PTER: variants seen among roughly 807,000 people sequenced by gnomAD.
PTER encodes the protein phosphotriesterase related.
Under a neutral mutation model 29.6 loss-of-function variants are expected in PTER, and 38 were observed. The ratio of observed to expected loss-of-function variants is 1.28; its 90% confidence interval spans 0.99 to 1.68. The LOEUF is 1.68. Among genes scored for constraint, PTER ranks in the 40% most tolerant of loss-of-function variants. The pLI, the probability that PTER is intolerant of heterozygous loss-of-function variation, is 0.00. For missense variants in PTER, 482 were observed against 427.8 expected, an observed-to-expected ratio of 1.13 and a Z score of -1.12; for synonymous variants, 172 against 154.5, an observed-to-expected ratio of 1.11 and a Z score of -0.84.
intron 1 of PTER, among the ~76,000 whole-genome samples, chr10:16,448,694 G>A (rs1191608876): frequency 1.3e-5 from 2 of 152,194 alleles, no homozygotes; most frequent in South Asian, 2.1e-4. Context: ...TGTCATCAAT[G>A]TAATGGACCA....
In PTER at chr10:16,491,009, A is replaced by AT. The variant is rs924593671; in HGVS notation, c.698+4400dup. ...TTTATGTATATACACACACATATGT[A>AT]TTTTTTTTCTGTTAAACAATAAAGA... is the stretch of plus-strand genomic sequence containing the variant. On this transcript the variant is annotated intron_variant, in intron 3 of 4. Coordinates refer to ENST00000535784, the MANE Select transcript of PTER (RefSeq NM_001261836.2). Among the ~76,000 whole-genome samples, 64 of 151,850 alleles carry AT rather than the reference A, an allele frequency of 4.2e-4. 1 individual carries two copies. Among genetic ancestry groups the AT allele is most frequent in the African/African-American group, 1.5e-3 (61 of 41,412 alleles).
At chr10:16,515,771 C>T (rs538493839), downstream of PTER, among the ~76,000 whole-genome samples, 3 of 152,256 alleles carry the variant, frequency 2.0e-5, no homozygotes, top group Admixed American at 2.0e-4. Flanking sequence ...TGATTTATTT[C>T]AGTAAAACAT....
rs1273204304 is a variant in PTER, at chr10:16,484,393, C to G, written c.9C>G (p.Ser3=). ...TGGTGGTACCATCAGAAATGTCTTC[C>G]TTAAGTGGAAAAGTCCAAACCGTTT... MS[S]LSGKVQTVLG... The change falls in exon 2 of 5, where the codon TCC becomes TCG. Residue 3 remains serine (S), a synonymous_variant. Coordinates refer to ENST00000535784, the MANE Select transcript of PTER (RefSeq NM_001261836.2). The G allele has an allele frequency of 4.4e-6, 7 of 1,582,462 alleles. No individual in the cohort carries two copies. Among genetic ancestry groups the G allele is most frequent in the Non-Finnish European group, 6.0e-6 (7 of 1,169,694 alleles).
chr10:16,448,266 G>T (rs774374994), intron 1 of PTER, among the ~76,000 whole-genome samples: 3 of 152,204 alleles, frequency 2.0e-5, no homozygotes, highest in Non-Finnish European at 4.4e-5. Flanking sequence ...GGCACCATTG[G>T]ATCTGCTGGG....
chr10:16,479,671 G>A (rs896947462), intron 1 of PTER, among the ~76,000 whole-genome samples: 3 of 152,030 alleles, frequency 2.0e-5, no homozygotes, highest in Non-Finnish European at 4.4e-5. Context: ...TACTTTTATA[G>A]TACCAGCAAG....
chr10:16,506,613 G>A (rs1024812577), intron 4 of PTER, among the ~76,000 whole-genome samples: 3 of 152,106 alleles, frequency 2.0e-5, no homozygotes, highest in African/African-American at 4.8e-5. Flanking sequence ...ATAGAAAGTC[G>A]GTTGAAAGGA....
At chr10:16,486,283 A>C in intron 2 of PTER, 69 bp from the exon 3 acceptor site, 2 of 1,379,126 alleles carry the variant, frequency 1.5e-6, no homozygotes, top group Non-Finnish European at 2.0e-6. Flanking sequence ...ATTCATTCAC[A>C]TACTGTGGTG....
At chr10:16,472,543 G>A (rs1478752283) in intron 1 of PTER, among the ~76,000 whole-genome samples, 3 of 152,028 alleles carry the variant, frequency 2.0e-5, no homozygotes, top group East Asian at 1.9e-4. Flanking sequence ...TTTGCCGTCC[G>A]CCATGATTGA....
chr10:16,477,923 G>A (rs924259317), intron 1 of PTER, among the ~76,000 whole-genome samples: 1 of 152,178 alleles, frequency 6.6e-6, no homozygotes, highest in Admixed American at 6.5e-5. Flanking sequence ...GTTTCTGGGA[G>A]GCAACCTATG....
chr10:16,442,092 T>G (rs1297435566), intron 1 of PTER, among the ~76,000 whole-genome samples: 1 of 152,204 alleles, frequency 6.6e-6, no homozygotes, highest in Non-Finnish European at 1.5e-5. Context: ...AAGAGAATAT[T>G]GGTAAATATT....
In PTER at chr10:16,465,263, A is replaced by AGGCACTGT. The variant is rs539559884; in HGVS notation, c.-48-19072_-48-19065dup. Among the ~76,000 whole-genome samples the AGGCACTGT allele has an allele frequency of 2.7e-5, 4 of 150,368 alleles. No homozygotes were observed. In the South Asian group the frequency reaches 8.5e-4, roughly 32 times the overall value. Reference sequence around the variant, plus strand: ...ATGCTTACCATATATGTGCTAAGGTAGGCACTGTGTTGGTGGCTCCTCTCC... The same window carrying AGGCACTGT: ...ATGCTTACCATATATGTGCTAAGGTAGGCACTGTGGCACTGTGTTGGTGGCTCCTCTCC... On this transcript the variant is annotated intron_variant, in intron 1 of 4. Transcript: ENST00000535784.
chr10:16,469,456 C>T (rs1047465491), intron 1 of PTER, among the ~76,000 whole-genome samples: 1 of 152,120 alleles, frequency 6.6e-6, no homozygotes, highest in African/African-American at 2.4e-5. Context: ...TTACTGGAAT[C>T]CATCTGTGAG....
intron 1 of PTER, among the ~76,000 whole-genome samples, chr10:16,438,654 G>A (rs571832803): frequency 6.6e-6 from 1 of 150,464 alleles, no homozygotes; most frequent in Non-Finnish European, 1.5e-5. Context: ...CAGGCCAGGC[G>A]CGGTGGCTCA....
chr10:16,438,039 G>T (rs1564380533), intron 1 of PTER, among the ~76,000 whole-genome samples: 1 of 151,976 alleles, frequency 6.6e-6, no homozygotes, highest in African/African-American at 2.4e-5. Context: ...ACAGAGTCTC[G>T]CCCTTGCCCA....
chr10:16,503,428 A>T (rs555184762), intron 3 of PTER, among the ~76,000 whole-genome samples: 42 of 151,626 alleles, frequency 2.8e-4, no homozygotes, highest in Admixed American at 9.8e-4. Flanking sequence ...CTTTTGAGAC[A>T]GAGTCTCACT....
chr10:16,467,255 ATTAG>A (rs938412168), intron 1 of PTER, among the ~76,000 whole-genome samples: 1 of 152,196 alleles, frequency 6.6e-6, no homozygotes, highest in East Asian at 1.9e-4. Context: ...CTATTTTATT[ATTAG>A]TTATTGTTGC....
At chr10:16,440,564 C>G (rs555132579) in intron 1 of PTER, among the ~76,000 whole-genome samples, 9 of 152,300 alleles carry the variant, frequency 5.9e-5, no homozygotes, top group Non-Finnish European at 1.3e-4. Flanking sequence ...TAGCCATTTC[C>G]CTGTCTCCTT....
At position 16,513,048 on chromosome 10, in the gene PTER, C is replaced by T. The variant is rs934887341; in HGVS notation, c.*1792C>T. ...AGCTCAAATGCATGTAATTCATAAA[C>T]ACTGCAAAGGAGAGCCACTTGGTGT... On this transcript the variant is annotated 3_prime_UTR_variant, in exon 5 of 5. Transcript: ENST00000535784. 1 of 152,324 alleles carries T rather than the reference C, an allele frequency of 6.6e-6. No homozygotes were observed. The highest frequency in any genetic ancestry group is 1.5e-5 in the Non-Finnish European group (1 of 67,962). The allele number at this position is 152,324 out of a possible 1,614,324, so 9.4% of individuals were successfully genotyped here.
At chr10:16,481,781 A>T (rs1311773347) in intron 1 of PTER, among the ~76,000 whole-genome samples, 1 of 152,334 alleles carries the variant, frequency 6.6e-6, no homozygotes, top group Middle Eastern at 3.4e-3. Flanking sequence ...AATTTAGCTC[A>T]GTTTCTGCCC....
Sources: gnomAD v4.1 joint callset for allele counts (sites outside exome capture counted in the v4.1 genomes callset) on GRCh38, gnomAD v4.1.1 for gene constraint, MANE v1.5 for transcripts, NCBI Gene and HGNC (gene_info 2026-07-23, HGNC 2026-07-21) for gene names.